The following DLG5 variants were observed in gnomAD, a reference collection of about 807,000 sequenced individuals.
DLG5 encodes discs large MAGUK scaffold protein 5.
A neutral mutation model predicts 189.8 loss-of-function variants in DLG5; 48 were observed. That is an observed-to-expected ratio of 0.25 (90% CI 0.20 to 0.32). DLG5 has a LOEUF of 0.32. DLG5 is among the 10% of genes least tolerant of loss of function. The pLI is 1.00. For synonymous variants in DLG5, 1,016 were observed against 1,054.1 expected (o/e 0.96, Z 0.70); for missense variants, 2,160 against 2,544.7 (o/e 0.85, Z 3.25).
intron 1 of DLG5, among the ~76,000 whole-genome samples, chr10:77,900,406 T>A (rs952512715): frequency 2.6e-5 from 4 of 152,124 alleles, no homozygotes; most frequent in Admixed American, 1.3e-4. Flanking sequence ...CACCTACCTA[T>A]CACCTAATGA....
intron 1 of DLG5, among the ~76,000 whole-genome samples, chr10:77,882,141 G>C (rs1226291718): frequency 1.3e-5 from 2 of 152,170 alleles, no homozygotes; most frequent in Non-Finnish European, 2.9e-5. Flanking sequence ...CAATATTCCT[G>C]CTGAGTTTGA....
intron 2 of DLG5, among the ~76,000 whole-genome samples, chr10:77,867,680 C>A (rs1844738332): frequency 6.6e-6 from 1 of 152,212 alleles, no homozygotes; most frequent in Non-Finnish European, 1.5e-5. Flanking sequence ...GTTGTGGCCC[C>A]CCAAAAGATG....
intron 2 of DLG5, chr10:77,868,313 G>A (rs1844769571): frequency 2.8e-6 from 1 of 360,480 alleles, no homozygotes; most frequent in Non-Finnish European, 5.5e-6. Flanking sequence ...ACATCCAGGA[G>A]TGTGGGGCCC....
chr10:77,820,856 C>A, intron 15 of DLG5: 1 of 554,276 alleles, frequency 1.8e-6, no homozygotes, highest in East Asian at 2.9e-5. Context: ...AATGCTATGC[C>A]CAATAAAGTG....
rs1370633414 is a variant in DLG5, at chr10:77,806,759, C to T, written c.4966G>A (p.Val1656Met). 2.8e-6 allele frequency: 4 copies of T among 1,432,882 alleles called. No individual in the cohort carries two copies. Among genetic ancestry groups the T allele is most frequent in the Non-Finnish European group, 3.8e-6 (4 of 1,044,272 alleles). 88.8% of individuals were successfully genotyped at this position (1,432,882 alleles called of 1,614,324 possible). The stretch of plus-strand genomic sequence containing the variant: ...ACCCCAGGCCCGGAGAACACTTACA[C>T]ATATTTGCTGGGAATCTGCCCGCGC... ...IQRGQIPSKYVMDQEFSRRLS... is the reference protein window; with the variant it reads ...IQRGQIPSKYMMDQEFSRRLS... Residue 1656 changes from valine to methionine, a missense_variant and splice_region_variant, in exon 26 of 32, where the codon GTG becomes ATG. Transcript: ENST00000372391.
chr10:77,816,072 C>T (rs977511619), intron 20 of DLG5: 8 of 459,944 alleles, frequency 1.7e-5, no homozygotes, highest in African/African-American at 8.0e-5. Context: ...CAGAAAGCTT[C>T]GAATGAGAGG....
intron 5 of DLG5, among the ~76,000 whole-genome samples, chr10:77,846,970 A>T (rs1293508832): frequency 6.6e-6 from 1 of 152,054 alleles, no homozygotes; most frequent in African/African-American, 2.4e-5. Context: ...CCACCTCCAC[A>T]AGTGCTCGGC....
At chr10:77,877,251 G>A (rs1203603354) in intron 1 of DLG5, among the ~76,000 whole-genome samples, 1 of 150,984 alleles carries the variant, frequency 6.6e-6, no homozygotes, top group African/African-American at 2.4e-5. Context: ...TCAGTACCAT[G>A]CAAGACCCTT....
intron 1 of DLG5, among the ~76,000 whole-genome samples, chr10:77,892,055 C>T (rs1384051180): frequency 4.6e-5 from 7 of 152,218 alleles, no homozygotes; most frequent in Admixed American, 3.9e-4. Context: ...CCACAAGTCC[C>T]AGACTCGGGA....
At chr10:77,873,361 C>T (rs1053091627) in intron 1 of DLG5, among the ~76,000 whole-genome samples, 2 of 152,088 alleles carry the variant, frequency 1.3e-5, no homozygotes, top group African/African-American at 4.8e-5. Context: ...GTGGGATGCA[C>T]ATGGAAGCTG....
intron 30 of DLG5, 34 bp downstream of exon 30, chr10:77,794,815 G>T: frequency 2.5e-6 from 4 of 1,583,186 alleles, no homozygotes; most frequent in Non-Finnish European, 3.5e-6. Flanking sequence ...CCTGTGACAA[G>T]GCCCCAGCGG....
intron 9 of DLG5, 73 bp downstream of exon 9, chr10:77,833,841 C>T (rs2154576033): frequency 6.3e-7 from 1 of 1,577,462 alleles, no homozygotes; most frequent in Admixed American, 1.7e-5. Flanking sequence ...TCAGCATTGC[C>T]TTGCCCAGAA....
intron 1 of DLG5, among the ~76,000 whole-genome samples, chr10:77,885,809 C>T (rs1429822065): frequency 1.3e-5 from 2 of 152,250 alleles, no homozygotes; most frequent in African/African-American, 4.8e-5. Context: ...TGACATCCTA[C>T]AGGTGTTCAG....
intron 1 of DLG5, among the ~76,000 whole-genome samples, chr10:77,911,976 A>C (rs1373709547): frequency 6.7e-6 from 1 of 150,334 alleles, no homozygotes; most frequent in Non-Finnish European, 1.5e-5. Context: ...AGGAGGGAGG[A>C]TCACTTAAGG....
At chr10:77,882,986 G>C (rs1482331103) in intron 1 of DLG5, among the ~76,000 whole-genome samples, 7 of 151,820 alleles carry the variant, frequency 4.6e-5, no homozygotes, top group African/African-American at 1.7e-4. Context: ...CAAAATCTCT[G>C]GGCCCTCAGG....
At chr10:77,909,782 G>T (rs1846166266) in intron 1 of DLG5, among the ~76,000 whole-genome samples, 1 of 152,138 alleles carries the variant, frequency 6.6e-6, no homozygotes, top group African/African-American at 2.4e-5. Context: ...CTCAAAACCA[G>T]CACATTTTGG....
At chr10:77,864,251 G>T (rs1459140676) in intron 2 of DLG5, among the ~76,000 whole-genome samples, 1 of 152,164 alleles carries the variant, frequency 6.6e-6, no homozygotes, top group Non-Finnish European at 1.5e-5. Context: ...AGCTGGGCAG[G>T]TCTCACCTTT....
chr10:77,808,105 C>T, intron 24 of DLG5, 161 bp from the exon 25 acceptor site: 1 of 864,370 alleles, frequency 1.2e-6, no homozygotes, highest in Non-Finnish European at 1.7e-6. Context: ...TCTTCATGGT[C>T]TCCCCAGTCT....
chr10:77,843,813 T>TG, intron 5 of DLG5, 107 bp from the exon 6 acceptor site: 1 of 1,472,772 alleles, frequency 6.8e-7, no homozygotes, highest in Non-Finnish European at 9.3e-7. Flanking sequence ...ACAAGGCGGT[T>TG]GGGGGGAGGG....
Sources: allele counts gnomAD v4.1 joint callset (sites outside exome capture counted in the v4.1 genomes callset), GRCh38; gene constraint gnomAD v4.1.1; transcripts MANE v1.5; gene names NCBI Gene and HGNC (gene_info 2026-07-23, HGNC 2026-07-21).